Variants in ANKRD29 observed in about 807,000 individuals in gnomAD.
ANKRD29 encodes ankyrin repeat domain 29.
Under a neutral mutation model 38.0 loss-of-function variants are expected in ANKRD29, and 32 were observed. The observed-to-expected ratio is 0.84, with a 90% CI of 0.64 to 1.13. The LOEUF (loss-of-function observed/expected upper bound fraction) is 1.13. Ranked by LOEUF, ANKRD29 falls within the 50% of genes most tolerant of loss-of-function variation. The pLI, the probability that ANKRD29 is intolerant of heterozygous loss-of-function variation, is 0.00. For missense variants in ANKRD29, 357 were observed against 377.9 expected (o/e 0.94, Z 0.46); for synonymous variants, 135 against 152.4 (o/e 0.89, Z 0.84).
intron 1 of ANKRD29, among the ~76,000 whole-genome samples, chr18:23,661,145 A>G (rs1355541197): frequency 3.9e-5 from 6 of 152,130 alleles, no homozygotes; most frequent in Non-Finnish European, 2.9e-5. Context: ...AATCTTCTTC[A>G]AGATTTTGTC....
intron 6 of ANKRD29, among the ~76,000 whole-genome samples, chr18:23,625,871 G>A (rs1432896278): frequency 1.3e-5 from 2 of 152,114 alleles, no homozygotes; most frequent in Non-Finnish European, 2.9e-5. Context: ...CAGTCTTCCT[G>A]GGGCTTATGC....
chr18:23,633,864 C>T (rs943443218), intron 5 of ANKRD29, among the ~76,000 whole-genome samples, 187 bp downstream of exon 5: 11 of 147,722 alleles, frequency 7.4e-5, no homozygotes, highest in Admixed American at 2.9e-4. Flanking sequence ...CCACCGCGCC[C>T]GGCCAGATAT....
chr18:23,641,803 T>C (rs2060081469), intron 3 of ANKRD29, among the ~76,000 whole-genome samples: 1 of 152,230 alleles, frequency 6.6e-6, no homozygotes, highest in Admixed American at 6.5e-5. Context: ...ATTGTGGGTC[T>C]CCTGTCCACT....
At chr18:23,623,353 A>G (rs894170446) in intron 6 of ANKRD29, among the ~76,000 whole-genome samples, 1 of 152,146 alleles carries the variant, frequency 6.6e-6, no homozygotes, top group African/African-American at 2.4e-5. Context: ...TGTGAGTTAG[A>G]GCATTATTGT....
At chr18:23,613,414 T>G (rs2059669495) in intron 8 of ANKRD29, among the ~76,000 whole-genome samples, 9 of 151,894 alleles carry the variant, frequency 5.9e-5, no homozygotes, top group Admixed American at 4.6e-4. Flanking sequence ...TCAGGTGTTT[T>G]GCCCACCTCA....
chr18:23,605,402 A>G (rs961895760), intron 9 of ANKRD29, among the ~76,000 whole-genome samples: 6 of 151,458 alleles, frequency 4.0e-5, no homozygotes, highest in African/African-American at 1.2e-4. Flanking sequence ...GGGTCTTGCT[A>G]TGTTGCCCAG....
chr18:23,607,743 GC>G (rs2059590989), intron 9 of ANKRD29, among the ~76,000 whole-genome samples: 2 of 152,158 alleles, frequency 1.3e-5, no homozygotes, highest in African/African-American at 4.8e-5. Context: ...CCCCAGGCTA[GC>G]CCCTAAAGGC....
chr18:23,647,663 G>A (rs1380006490), intron 2 of ANKRD29: 1 of 152,240 alleles, frequency 6.6e-6, no homozygotes, highest in Admixed American at 6.5e-5. Flanking sequence ...GGGATTACAG[G>A]CGCCTGCCAC....
rs762700265 is a variant in ANKRD29 at position 23,629,839 on chromosome 18, A to G, written c.528+14T>C. The G allele has an allele frequency of 1.4e-5, 22 of 1,612,478 alleles. No individual in the cohort carries two copies. Among genetic ancestry groups the G allele is most frequent in the East Asian group, 2.2e-5 (1 of 44,878 alleles). On this transcript the variant is annotated intron_variant, in intron 6 of 9. Transcript: ENST00000592179. ...GCGCCATGTGCTCGGGCAAATGTCAACAGTGGACATTACCTGCCTTGGCTG... is the reference window on the plus strand; with the variant it reads ...GCGCCATGTGCTCGGGCAAATGTCAGCAGTGGACATTACCTGCCTTGGCTG...
intron 9 of ANKRD29, among the ~76,000 whole-genome samples, chr18:23,603,074 G>A (rs2059533186): frequency 6.6e-6 from 1 of 152,164 alleles, no homozygotes; most frequent in Admixed American, 6.5e-5. Context: ...AGCTGGAAAA[G>A]GAAGGAGTAT....
At chr18:23,641,169 G>A (rs1431149141) in intron 3 of ANKRD29, among the ~76,000 whole-genome samples, 2 of 152,246 alleles carry the variant, frequency 1.3e-5, no homozygotes, top group Non-Finnish European at 2.9e-5. Flanking sequence ...GATGCAGGCT[G>A]CCACACGGGA....
intron 8 of ANKRD29, 50 bp downstream of exon 8, chr18:23,617,682 C>A (rs959204453): frequency 6.5e-7 from 1 of 1,526,832 alleles, no homozygotes; most frequent in Non-Finnish European, 9.1e-7. Context: ...TGAGGACTTA[C>A]TTTCTAACCT....
At chr18:23,637,877 G>C (rs551923252) in intron 4 of ANKRD29, among the ~76,000 whole-genome samples, 22 of 151,864 alleles carry the variant, frequency 1.4e-4, no homozygotes, top group Middle Eastern at 3.4e-3. Flanking sequence ...TCTTACGGCA[G>C]TTCAAATTCT....
chr18:23,622,068 A>G (rs537812215), intron 6 of ANKRD29, among the ~76,000 whole-genome samples: 1 of 152,268 alleles, frequency 6.6e-6, no homozygotes, highest in African/African-American at 2.4e-5. Context: ...AGTATGGACA[A>G]AAATGCACAA....
intron 7 of ANKRD29, among the ~76,000 whole-genome samples, chr18:23,619,108 TG>T (rs1171711657): frequency 4.6e-5 from 7 of 152,276 alleles, no homozygotes; most frequent in African/African-American, 1.7e-4. Flanking sequence ...CAGAGGCCAG[TG>T]GATGACGGCG....
chr18:23,662,221 TG>T (rs1220811668), intron 1 of ANKRD29, among the ~76,000 whole-genome samples: 1 of 152,228 alleles, frequency 6.6e-6, no homozygotes, highest in Non-Finnish European at 1.5e-5. Context: ...TTAGATGGAA[TG>T]ACTTTAATCA....
chr18:23,629,429 G>A (rs974154915), intron 6 of ANKRD29, among the ~76,000 whole-genome samples: 1 of 152,246 alleles, frequency 6.6e-6, no homozygotes, highest in African/African-American at 2.4e-5. Context: ...CTCCTCTTTG[G>A]CTTGGTGGAA....
intron 9 of ANKRD29, among the ~76,000 whole-genome samples, chr18:23,609,834 C>T (rs1000116198): frequency 6.6e-6 from 1 of 152,202 alleles, no homozygotes; most frequent in African/African-American, 2.4e-5. Context: ...GTGATTTCAA[C>T]TGGCTTATCA....
At chr18:23,611,871 G>GAA (rs370656453) in intron 9 of ANKRD29, among the ~76,000 whole-genome samples, 80 of 141,270 alleles carry the variant, frequency 5.7e-4, no homozygotes, top group African/African-American at 1.8e-3. Context: ...TGTTAAAAAA[G>GAA]AAAAAAAAAA....
Sources: gnomAD v4.1 joint callset for allele counts (sites outside exome capture counted in the v4.1 genomes callset) on GRCh38, gnomAD v4.1.1 for gene constraint, MANE v1.5 for transcripts, NCBI Gene and HGNC (gene_info 2026-07-23, HGNC 2026-07-21) for gene names.